Variants in IMPG2 observed in about 807,000 individuals in gnomAD.
IMPG2 encodes the protein interphotoreceptor matrix proteoglycan 2, also known as IPM 200.
A neutral mutation model predicts 129.2 loss-of-function variants in IMPG2; 91 were observed. The observed-to-expected ratio is 0.70, with a 90% CI of 0.59 to 0.84. The LOEUF (loss-of-function observed/expected upper bound fraction) is 0.84, where lower values mean the gene tolerates loss of function less well. Among genes scored for constraint, IMPG2 ranks in the 40% least tolerant of loss-of-function variants. IMPG2 has a pLI of 0.00. For missense variants in IMPG2, 1,430 were observed against 1,461.7 expected (o/e 0.98, Z 0.35); for synonymous variants, 510 against 517.7 (o/e 0.99, Z 0.20).
chr3:101,310,251 T>C (rs1364614981), intron 2 of IMPG2, among the ~76,000 whole-genome samples: 2 of 152,174 alleles, frequency 1.3e-5, no homozygotes, highest in Non-Finnish European at 2.9e-5. Context: ...CTTCAACTTA[T>C]GAAATACATT....
intron 13 of IMPG2, 52 bp from the exon 14 acceptor site, chr3:101,242,959 A>G: frequency 6.9e-7 from 1 of 1,441,694 alleles, no homozygotes; most frequent in Non-Finnish European, 9.8e-7. Context: ...CATTTTGTTC[A>G]ATACATACCC....
chr3:101,267,348 G>C (rs1385734690), intron 9 of IMPG2, among the ~76,000 whole-genome samples, 163 bp downstream of exon 9: 1 of 152,156 alleles, frequency 6.6e-6, no homozygotes, highest in Admixed American at 6.5e-5. Flanking sequence ...TTGGCTACCT[G>C]ACTCTTAATA....
chr3:101,298,642 C>T (rs1370258918), intron 3 of IMPG2, among the ~76,000 whole-genome samples: 2 of 152,142 alleles, frequency 1.3e-5, no homozygotes, highest in African/African-American at 4.8e-5. Context: ...GATTTTATTT[C>T]TCCTTCACTT....
At chr3:101,304,055 A>C in intron 3 of IMPG2, 91 bp downstream of exon 3, 1 of 1,357,728 alleles carries the variant, frequency 7.4e-7, no homozygotes, top group South Asian at 1.2e-5. Context: ...TAATACAGGC[A>C]TTTGCCACTT....
At chr3:101,281,165 T>G (rs1421837346) in intron 4 of IMPG2, among the ~76,000 whole-genome samples, 2 of 152,212 alleles carry the variant, frequency 1.3e-5, no homozygotes, top group African/African-American at 4.8e-5. Flanking sequence ...TATCCTAGGA[T>G]GAGCCTTGCA....
intron 9 of IMPG2, among the ~76,000 whole-genome samples, chr3:101,259,297 A>G (rs1293524887): frequency 1.3e-5 from 2 of 152,202 alleles, no homozygotes; most frequent in Non-Finnish European, 2.9e-5. Context: ...ACAGACGTGC[A>G]GTAAAAGTAA....
At chr3:101,281,295 A>C (rs1418385938) in intron 4 of IMPG2, among the ~76,000 whole-genome samples, 1 of 152,208 alleles carries the variant, frequency 6.6e-6, no homozygotes, top group East Asian at 1.9e-4. Context: ...GCTGTTTTAA[A>C]AATAGGTAAC....
At chr3:101,260,215 T>C (rs751434859) in intron 9 of IMPG2, among the ~76,000 whole-genome samples, 19 of 152,106 alleles carry the variant, frequency 1.2e-4, no homozygotes, top group Non-Finnish European at 2.5e-4. Flanking sequence ...CAATACTGTT[T>C]TCCTCCCAGA....
chr3:101,320,129 T>C (rs2107149240), intron 1 of IMPG2, among the ~76,000 whole-genome samples, 159 bp downstream of exon 1: 1 of 152,230 alleles, frequency 6.6e-6, no homozygotes, highest in South Asian at 2.1e-4. Context: ...ACCAAAATTA[T>C]TGGAGATATT....
At chr3:101,313,712 G>A (rs1311171309) in intron 2 of IMPG2, among the ~76,000 whole-genome samples, 1 of 151,834 alleles carries the variant, frequency 6.6e-6, no homozygotes, top group Non-Finnish European at 1.5e-5. Flanking sequence ...CAGAATTGTG[G>A]AGCCCAAAGC....
chr3:101,237,120 G>C (rs1004716751), intron 14 of IMPG2, among the ~76,000 whole-genome samples: 2 of 152,156 alleles, frequency 1.3e-5, no homozygotes, highest in African/African-American at 4.8e-5. Context: ...ACTGGGTGGA[G>C]CCCACCACAG....
intron 10 of IMPG2, among the ~76,000 whole-genome samples, chr3:101,256,197 G>GAA (rs1300537436): frequency 6.7e-6 from 1 of 148,498 alleles, no homozygotes; most frequent in African/African-American, 2.5e-5. Flanking sequence ...AAGAAAGAAA[G>GAA]AAAGAAAGAA....
intron 11 of IMPG2, among the ~76,000 whole-genome samples, chr3:101,250,666 C>G (rs1046223378): frequency 6.6e-6 from 1 of 152,120 alleles, no homozygotes; most frequent in Non-Finnish European, 1.5e-5. Flanking sequence ...GTATATATTC[C>G]CAAGTGATAA....
intron 2 of IMPG2, among the ~76,000 whole-genome samples, chr3:101,305,446 C>T (rs964969887): frequency 2.0e-5 from 3 of 151,964 alleles, no homozygotes; most frequent in Admixed American, 6.6e-5. Flanking sequence ...ATAGAATGTA[C>T]AACACAAAAA....
At chr3:101,237,378 T>C (rs555015065) in intron 14 of IMPG2, among the ~76,000 whole-genome samples, 7 of 152,286 alleles carry the variant, frequency 4.6e-5, no homozygotes, top group Admixed American at 1.3e-4. Context: ...TAAGGGACGA[T>C]TGCCTCCTCA....
In IMPG2 at chr3:101,230,977, A is replaced by T; in HGVS notation, c.3402T>A (p.Ser1134Arg). 6.2e-7 allele frequency: 1 copy of T among 1,613,324 alleles called. No homozygotes were observed. Among genetic ancestry groups the T allele is most frequent in the East Asian group, 2.2e-5 (1 of 44,868 alleles). The change falls in exon 16 of 19, where the codon AGT (serine) becomes AGA (arginine). Residue 1134 changes from serine (S) to arginine (R), a missense_variant. Ser to Arg is a moderately radical substitution (Grantham distance 110, BLOSUM62 -1). Coordinates refer to ENST00000193391, the MANE Select transcript of IMPG2 (RefSeq NM_016247.4). ...TTTACCTGAAGGGACTCTCTCTTTCACTCCTGTCATGGTGTGCTTGGAGAG... is the reference window on the plus strand; with the variant it reads ...TTTACCTGAAGGGACTCTCTCTTTCTCTCCTGTCATGGTGTGCTTGGAGAG... Reference protein sequence around the residue: ...IRTLQAHHDRSERESPFSGSS... With the variant: ...IRTLQAHHDRRERESPFSGSS...
chr3:101,295,094 T>C (rs1041473770), intron 3 of IMPG2, among the ~76,000 whole-genome samples: 1 of 152,242 alleles, frequency 6.6e-6, no homozygotes, highest in African/African-American at 2.4e-5. Flanking sequence ...TTAGATCTCA[T>C]TTGTCAATTT....
At chr3:101,271,200 GCT>G (rs1465542318) in intron 7 of IMPG2, among the ~76,000 whole-genome samples, 2 of 152,184 alleles carry the variant, frequency 1.3e-5, no homozygotes, top group African/African-American at 4.8e-5. Context: ...GTTAGTCTCA[GCT>G]CTGTTTCTGC....
chr3:101,261,084 G>T (rs1480398475), intron 9 of IMPG2, among the ~76,000 whole-genome samples: 1 of 152,068 alleles, frequency 6.6e-6, no homozygotes, highest in Non-Finnish European at 1.5e-5. Flanking sequence ...TGTATCTTCT[G>T]GTTAATCATT....
Sources: allele counts gnomAD v4.1 joint callset (sites outside exome capture counted in the v4.1 genomes callset), GRCh38; gene constraint gnomAD v4.1.1; transcripts MANE v1.5; gene names NCBI Gene and HGNC (gene_info 2026-07-23, HGNC 2026-07-21).